The following SDK1 variants were observed in gnomAD, a reference collection of about 807,000 sequenced individuals.
SDK1 encodes sidekick cell adhesion molecule 1.
Under a neutral mutation model 245.5 loss-of-function variants are expected in SDK1, and 157 were observed. The ratio of observed to expected loss-of-function variants is 0.64; its 90% confidence interval spans 0.56 to 0.73. The LOEUF is 0.73. SDK1 is among the 30% of genes least tolerant of loss of function. SDK1 has a pLI of 0.00. For missense variants in SDK1, 3,583 were observed against 3,002.3 expected (o/e 1.19, Z -4.52); for synonymous variants, 1,647 against 1,278.5 (o/e 1.29, Z -6.15).
rs1779350009 is a variant in SDK1 at position 4,139,499 on chromosome 7, GTGTGTATA to G, written c.4229-6219_4229-6212del. 2.8e-5 allele frequency among the ~76,000 whole-genome samples: 4 copies of G among 141,532 alleles called. No individual in the cohort carries two copies. The South Asian group carries it at 9.2e-4, about 32-fold the overall frequency. The allele number at this position is 141,532 out of a possible 152,430, so 92.9% of individuals were successfully genotyped here. ...TGTATATGTGTGTGTATATATGTGT[GTGTGTATA>G]TGTATATATGTGTGTGTATGTGTGT... is the stretch of plus-strand genomic sequence containing the variant. On this transcript the variant is annotated intron_variant, in intron 28 of 44. Coordinates refer to ENST00000404826, the MANE Select transcript of SDK1 (RefSeq NM_152744.4).
chr7:4,205,777 A>G (rs1784181180), intron 35 of SDK1, 102 bp from the exon 36 acceptor site: 1 of 924,284 alleles, frequency 1.1e-6, no homozygotes, highest in South Asian at 1.5e-5. Context: ...CATGGTTCCC[A>G]GCGGAATTAG....
chr7:3,531,511 G>A (rs1783342642), intron 1 of SDK1, among the ~76,000 whole-genome samples: 2 of 152,120 alleles, frequency 1.3e-5, no homozygotes, highest in African/African-American at 4.8e-5. Flanking sequence ...TCCGAGTCCA[G>A]CCCAGTAGAG....
At chr7:4,021,876 A>C (rs76884952) in intron 17 of SDK1, among the ~76,000 whole-genome samples, 6 of 152,190 alleles carry the variant, frequency 3.9e-5, no homozygotes, top group African/African-American at 1.4e-4. Flanking sequence ...AAATCTGACA[A>C]TGGGCTCCTG....
chr7:3,636,364 G>A (rs1281122463), intron 2 of SDK1, among the ~76,000 whole-genome samples: 3 of 151,944 alleles, frequency 2.0e-5, no homozygotes, highest in Admixed American at 6.6e-5. Flanking sequence ...ATTCCTCCCC[G>A]CTTCCCCTCC....
At chr7:3,860,373 G>T (rs908199130) in intron 5 of SDK1, among the ~76,000 whole-genome samples, 1 of 152,188 alleles carries the variant, frequency 6.6e-6, no homozygotes, top group African/African-American at 2.4e-5. Context: ...CAAGAAGGTT[G>T]ATAGGTGATG....
At chr7:4,183,175 T>C (rs1022229474) in intron 35 of SDK1, among the ~76,000 whole-genome samples, 1 of 152,172 alleles carries the variant, frequency 6.6e-6, no homozygotes, top group African/African-American at 2.4e-5. Context: ...TCGTGAGTCA[T>C]GAGTCCAGAT....
chr7:3,908,100 C>T (rs989776987), intron 5 of SDK1, among the ~76,000 whole-genome samples: 4 of 152,004 alleles, frequency 2.6e-5, no homozygotes, highest in Admixed American at 6.6e-5. Context: ...ATTGAGTGCC[C>T]GTAATGTGCT....
intron 38 of SDK1, among the ~76,000 whole-genome samples, chr7:4,213,843 G>A (rs570272392): frequency 6.6e-5 from 10 of 152,308 alleles, no homozygotes; most frequent in South Asian, 6.2e-4. Flanking sequence ...GCATCACTGG[G>A]AAACTCAAAG....
chr7:3,307,661 G>C (rs1273522486), intron 1 of SDK1, among the ~76,000 whole-genome samples: 1 of 152,160 alleles, frequency 6.6e-6, no homozygotes, highest in Non-Finnish European at 1.5e-5. Flanking sequence ...TGGGTATTGT[G>C]GGAATGAAAG....
chr7:3,543,420 G>T (rs1050763112), intron 1 of SDK1, among the ~76,000 whole-genome samples: 5 of 152,230 alleles, frequency 3.3e-5, no homozygotes, highest in African/African-American at 4.8e-5. Context: ...TAAAGAGATG[G>T]CTCTTAAGAC....
chr7:3,551,446 G>A (rs1223051822), intron 1 of SDK1, among the ~76,000 whole-genome samples: 2 of 152,222 alleles, frequency 1.3e-5, no homozygotes, highest in Middle Eastern at 3.4e-3. Flanking sequence ...GGTCAAGCAA[G>A]CCTAAAGTTG....
chr7:3,856,784 TCCA>T (rs947499115), intron 5 of SDK1, among the ~76,000 whole-genome samples: 4 of 152,020 alleles, frequency 2.6e-5, no homozygotes, highest in African/African-American at 9.7e-5. Context: ...AGAGCGAAAC[TCCA>T]CCTCGAAAAA....
intron 17 of SDK1, among the ~76,000 whole-genome samples, chr7:4,033,092 G>T (rs1257796650): frequency 6.6e-6 from 1 of 152,208 alleles, no homozygotes; most frequent in South Asian, 2.1e-4. Context: ...AACTAAAATG[G>T]TGTGTCTATT....
intron 1 of SDK1, among the ~76,000 whole-genome samples, chr7:3,470,085 A>T (rs528030537): frequency 9.3e-4 from 142 of 152,274 alleles, no homozygotes; most frequent in South Asian, 9.1e-3. Flanking sequence ...AGAAGATACT[A>T]GAGAGGGTCC....
At chr7:3,900,702 T>C (rs373842808) in intron 5 of SDK1, among the ~76,000 whole-genome samples, 2 of 152,128 alleles carry the variant, frequency 1.3e-5, no homozygotes, top group African/African-American at 4.8e-5. Context: ...CCATGAGCAT[T>C]TGGCCGCTTC....
intron 40 of SDK1, 177 bp from the exon 41 acceptor site, chr7:4,233,078 C>T (rs1417133072): frequency 2.1e-5 from 12 of 582,534 alleles, no homozygotes; most frequent in East Asian, 2.8e-5. Flanking sequence ...ATCTCCAGAA[C>T]GCTCTTCGAC....
Position 3,706,885 on chromosome 7 carries a change from T to A in SDK1, c.713+64780T>A, listed in dbSNP as rs1784906654. On this transcript the variant is annotated intron_variant, in intron 4 of 44. Transcript: ENST00000404826. Reference sequence around the variant, plus strand: ...AGTAGTATCAAATGATCTTTTGTATTTCTGTGCTGTCAGTTGTAATGTCTC... The same window carrying A: ...AGTAGTATCAAATGATCTTTTGTATATCTGTGCTGTCAGTTGTAATGTCTC... 2.6e-5 allele frequency among the ~76,000 whole-genome samples: 4 copies of A among 152,346 alleles called. No individual in the cohort carries two copies. The South Asian group carries it at 8.3e-4, about 32-fold the overall frequency.
intron 1 of SDK1, among the ~76,000 whole-genome samples, chr7:3,586,709 A>C (rs1435405775): frequency 6.6e-6 from 1 of 151,404 alleles, no homozygotes; most frequent in African/African-American, 2.4e-5. Context: ...CGTCTCAAAA[A>C]AAAAAAAAAA....
At position 4,265,412 on chromosome 7, in the gene SDK1, G is replaced by A. The variant is rs376835207; in HGVS notation, c.*28G>A. ...AAAGCGCCGCGCCTCCCTCAGGGCGGAACGGAGGCAACTTTCCGGAGTCTA... is the reference window on the plus strand; with the variant it reads ...AAAGCGCCGCGCCTCCCTCAGGGCGAAACGGAGGCAACTTTCCGGAGTCTA... On this transcript the variant is annotated 3_prime_UTR_variant, in exon 45 of 45. Coordinates refer to ENST00000404826, the MANE Select transcript of SDK1 (RefSeq NM_152744.4). 1 of 1,410,154 alleles carries A rather than the reference G, an allele frequency of 7.1e-7. No homozygotes were observed. Among genetic ancestry groups the A allele is most frequent in the South Asian group, 1.5e-5 (1 of 64,788 alleles). 87.4% of individuals were successfully genotyped at this position (1,410,154 alleles called of 1,614,324 possible). A position where few individuals can be genotyped will look rare whatever the true frequency, so the allele number is the denominator to read the frequency against.
Sources: gnomAD v4.1 joint callset for allele counts (sites outside exome capture counted in the v4.1 genomes callset) on GRCh38, gnomAD v4.1.1 for gene constraint, MANE v1.5 for transcripts, NCBI Gene and HGNC (gene_info 2026-07-23, HGNC 2026-07-21) for gene names.